ARHGAP15: variants seen among roughly 807,000 people sequenced by gnomAD.
ARHGAP15 encodes the protein Rho GTPase activating protein 15.
In ARHGAP15, 51 loss-of-function variants were observed where a neutral mutation model predicts 63.7. That is an observed-to-expected ratio of 0.80 (90% CI 0.64 to 1.01). ARHGAP15 has a LOEUF of 1.01. Among genes scored for constraint, ARHGAP15 ranks in the 50% least tolerant of loss-of-function variants. ARHGAP15 has a pLI of 0.00. For missense variants in ARHGAP15, 560 were observed against 564.6 expected, an observed-to-expected ratio of 0.99 and a Z score of 0.08; for synonymous variants, 191 against 193.8, an observed-to-expected ratio of 0.99 and a Z score of 0.12.
chr2:143,151,269 A>G (rs999089888), intron 1 of ARHGAP15, among the ~76,000 whole-genome samples: 1 of 152,002 alleles, frequency 6.6e-6, no homozygotes, highest in Non-Finnish European at 1.5e-5. Flanking sequence ...TATTTCATAA[A>G]GGCTAAAAAA....
chr2:143,540,258 T>C (rs1178362771), intron 10 of ARHGAP15, among the ~76,000 whole-genome samples: 3 of 152,176 alleles, frequency 2.0e-5, no homozygotes, highest in Non-Finnish European at 4.4e-5. Flanking sequence ...TCCCTTTATT[T>C]TGAGCCTATA....
At chr2:143,523,115 A>G (rs1456389848) in intron 10 of ARHGAP15, among the ~76,000 whole-genome samples, 2 of 152,176 alleles carry the variant, frequency 1.3e-5, no homozygotes, top group African/African-American at 4.8e-5. Flanking sequence ...CCTTGTAAGT[A>G]CTCAATAAAT....
At chr2:143,341,611 T>C (rs1365572292) in intron 6 of ARHGAP15, among the ~76,000 whole-genome samples, 5 of 152,150 alleles carry the variant, frequency 3.3e-5, no homozygotes, top group African/African-American at 1.2e-4. Flanking sequence ...CAAGGAATTC[T>C]ACACCAAATT....
intron 4 of ARHGAP15, among the ~76,000 whole-genome samples, chr2:143,225,987 A>G (rs960837033): frequency 2.0e-5 from 3 of 152,228 alleles, no homozygotes; most frequent in Non-Finnish European, 4.4e-5. Context: ...GCCCATGGAA[A>G]AGCTTTCACT....
chr2:143,428,954 A>G (rs1260195431), intron 6 of ARHGAP15, among the ~76,000 whole-genome samples: 1 of 152,100 alleles, frequency 6.6e-6, no homozygotes, highest in African/African-American at 2.4e-5. Context: ...ATTTATCTAC[A>G]GACAAGTACA....
intron 6 of ARHGAP15, among the ~76,000 whole-genome samples, chr2:143,422,155 A>T (rs1688950877): frequency 6.6e-6 from 1 of 152,144 alleles, no homozygotes; most frequent in Admixed American, 6.6e-5. Flanking sequence ...TGAAATATGA[A>T]TCCAATGCTG....
At chr2:143,299,073 T>A (rs1173152533) in intron 6 of ARHGAP15, among the ~76,000 whole-genome samples, 1 of 151,984 alleles carries the variant, frequency 6.6e-6, no homozygotes, top group Non-Finnish European at 1.5e-5. Flanking sequence ...TTCCTTTCAT[T>A]GTTTCTTCAA....
chr2:143,710,154 CTCTT>C (rs1279397534), intron 13 of ARHGAP15, among the ~76,000 whole-genome samples: 1 of 137,230 alleles, frequency 7.3e-6, no homozygotes, highest in Non-Finnish European at 1.7e-5. Context: ...CTTTTACTCT[CTCTT>C]TTCTTTTTTT....
At chr2:143,654,382 G>A (rs1253208814) in intron 12 of ARHGAP15, among the ~76,000 whole-genome samples, 1 of 152,108 alleles carries the variant, frequency 6.6e-6, no homozygotes, top group Non-Finnish European at 1.5e-5. Context: ...TCAAAAAGGA[G>A]TTGAGAAAAG....
chr2:143,232,682 T>A (rs995112979), intron 5 of ARHGAP15, among the ~76,000 whole-genome samples: 1 of 152,178 alleles, frequency 6.6e-6, no homozygotes, highest in Non-Finnish European at 1.5e-5. Flanking sequence ...TTTGTCATCA[T>A]AGCCTCTTCC....
At chr2:143,479,589 C>A (rs1380438204) in intron 8 of ARHGAP15, among the ~76,000 whole-genome samples, 1 of 151,888 alleles carries the variant, frequency 6.6e-6, no homozygotes, top group Non-Finnish European at 1.5e-5. Flanking sequence ...GCTCAATAAC[C>A]ACTTACTTTA....
At chr2:143,351,034 T>G (rs1364563495) in intron 6 of ARHGAP15, 1 of 152,032 alleles carries the variant, frequency 6.6e-6, no homozygotes, top group South Asian at 2.1e-4. Flanking sequence ...GAAGGTCATT[T>G]AGGTCTTTAT....
At chr2:143,512,850 C>T (rs1480717138) in intron 9 of ARHGAP15, among the ~76,000 whole-genome samples, 4 of 152,234 alleles carry the variant, frequency 2.6e-5, no homozygotes, top group Non-Finnish European at 4.4e-5. Context: ...TGTGTCCGCT[C>T]ATCTGCGGCA....
intron 13 of ARHGAP15, among the ~76,000 whole-genome samples, chr2:143,739,446 C>G (rs1194202942): frequency 6.6e-6 from 1 of 152,102 alleles, no homozygotes; most frequent in East Asian, 1.9e-4. Flanking sequence ...TCCATAGGCT[C>G]TTATAAGAAA....
intron 11 of ARHGAP15, among the ~76,000 whole-genome samples, chr2:143,599,263 T>G (rs553015560): frequency 6.6e-6 from 1 of 152,180 alleles, no homozygotes; most frequent in South Asian, 2.1e-4. Flanking sequence ...ACCATGTTAA[T>G]GAACTCAGAC....
At chr2:143,731,567 G>A (rs16822962) in intron 13 of ARHGAP15, among the ~76,000 whole-genome samples, 28,978 of 152,090 alleles carry the variant, frequency 0.19, 3,183 homozygotes, top group East Asian at 0.38. Context: ...CACTTCTTCA[G>A]AGGACCTGGC....
chr2:143,330,525 C>T (rs75311688), intron 6 of ARHGAP15, among the ~76,000 whole-genome samples: 2,448 of 152,170 alleles, frequency 0.016, 77 homozygotes, highest in African/African-American at 0.055. Flanking sequence ...TGAATAAAAT[C>T]TATATTTTTC....
Position 143,441,271 on chromosome 2 carries a change from A to G in ARHGAP15, c.703+4229A>G, listed in dbSNP as rs377614815. Reference sequence around the variant, plus strand: ...ATTGGATATGGGAGTCATAGCTGCAAAAAATCTAAGTACGAGCAGCTGGTC... The same window carrying G: ...ATTGGATATGGGAGTCATAGCTGCAGAAAATCTAAGTACGAGCAGCTGGTC... On this transcript the variant is annotated intron_variant, in intron 8 of 13. Coordinates refer to ENST00000295095, the MANE Select transcript of ARHGAP15 (RefSeq NM_018460.4). 2.6e-5 allele frequency among the ~76,000 whole-genome samples: 4 copies of G among 152,260 alleles called. No homozygotes were observed. The East Asian group carries it at 7.7e-4, about 29-fold the overall frequency.
intron 6 of ARHGAP15, among the ~76,000 whole-genome samples, chr2:143,373,003 T>C (rs1354446401): frequency 7.0e-6 from 1 of 141,852 alleles, no homozygotes; most frequent in Non-Finnish European, 1.5e-5. Context: ...AAAAAAAAAA[T>C]CTAGTGAGGG....
Sources: allele counts gnomAD v4.1 joint callset (sites outside exome capture counted in the v4.1 genomes callset), GRCh38; gene constraint gnomAD v4.1.1; transcripts MANE v1.5; gene names NCBI Gene and HGNC (gene_info 2026-07-23, HGNC 2026-07-21).